FAM241A: variants seen among roughly 807,000 people sequenced by gnomAD.
FAM241A encodes the protein family with sequence similarity 241 member A.
Under a neutral mutation model 12.2 loss-of-function variants are expected in FAM241A, and 7 were observed. The ratio of observed to expected loss-of-function variants is 0.58; its 90% confidence interval spans 0.33 to 1.08. The LOEUF is 1.08. Among genes scored for constraint, FAM241A ranks in the 50% least tolerant of loss-of-function variants. FAM241A has a pLI of 0.04. For synonymous variants in FAM241A, 74 were observed against 68.2 expected (o/e 1.08, Z -0.42); for missense variants, 161 against 169.7 (o/e 0.95, Z 0.29).
At position 112,193,828 on chromosome 4, in the gene FAM241A, C is replaced by T. The variant is rs74932988; in HGVS notation, c.*6890C>T. On this transcript the variant is annotated 3_prime_UTR_variant, in exon 2 of 2. Coordinates refer to ENST00000309733, the MANE Select transcript of FAM241A (RefSeq NM_152400.3). ...TTGGCTTAGGATTGACTTGGCGATG[C>T]GGGCTCTTTTTTGGTTCCATATGAA... is the stretch of plus-strand genomic sequence containing the variant. 18 of 149,504 alleles carry T rather than the reference C, an allele frequency of 1.2e-4. No individual in the cohort carries two copies. Among genetic ancestry groups the T allele is most frequent in the South Asian group, 2.1e-4 (1 of 4,700 alleles). The allele number at this position is 149,504 out of a possible 1,614,324, so 9.3% of individuals were successfully genotyped here. A position where few individuals can be genotyped will look rare whatever the true frequency, so the allele number is the denominator to read the frequency against.
chr4:112,163,498 A>G (rs569814516), intron 1 of FAM241A, among the ~76,000 whole-genome samples: 212 of 152,350 alleles, frequency 1.4e-3, no homozygotes, highest in Admixed American at 2.7e-3. Flanking sequence ...AAAGTGGGCA[A>G]AGGATATGAA....
At position 112,145,576 on chromosome 4, in the gene FAM241A, G is replaced by A; in HGVS notation, c.-5G>A. 3.2e-6 allele frequency: 4 copies of A among 1,248,686 alleles called. 1 individual carries two copies. In the South Asian group the frequency reaches 1.5e-4, roughly 46 times the overall value. The allele number at this position is 1,248,686 out of a possible 1,614,324, so 77.4% of individuals were successfully genotyped here. A position where few individuals can be genotyped will look rare whatever the true frequency, so the allele number is the denominator to read the frequency against. On this transcript the variant is annotated 5_prime_UTR_variant, in exon 1 of 2. Coordinates refer to ENST00000309733, the MANE Select transcript of FAM241A (RefSeq NM_152400.3). ...CTGTCCGGGGCGGTAGGAGTTGGCTGCGGGATGTGCTCAGCCGGGGAGCTG... is the reference window on the plus strand; with the variant it reads ...CTGTCCGGGGCGGTAGGAGTTGGCTACGGGATGTGCTCAGCCGGGGAGCTG...
rs372790325 is a variant in FAM241A at position 112,193,973 on chromosome 4, T to C, written c.*7035T>C. The C allele has an allele frequency of 1.7e-4, 26 of 148,818 alleles. No homozygotes were observed. Among genetic ancestry groups the C allele is most frequent in the Admixed American group, 1.0e-3 (15 of 14,840 alleles). 9.2% of individuals were successfully genotyped at this position (148,818 alleles called of 1,614,324 possible). On this transcript the variant is annotated 3_prime_UTR_variant, in exon 2 of 2. Coordinates refer to ENST00000309733, the MANE Select transcript of FAM241A (RefSeq NM_152400.3). ...ATTTTCACGATATTGATTCTTCCTA[T>C]CCATGAGCATGGAATGTTCTTCCAT...
chr4:112,171,381 T>C, intron 1 of FAM241A: 1 of 765,200 alleles, frequency 1.3e-6, no homozygotes, highest in Non-Finnish European at 2.4e-6. Flanking sequence ...TAAGCCAATT[T>C]TCTGGAAATA....
intron 1 of FAM241A, among the ~76,000 whole-genome samples, chr4:112,165,206 T>C (rs1265585290): frequency 2.0e-5 from 3 of 152,258 alleles, no homozygotes; most frequent in East Asian, 1.9e-4. Flanking sequence ...CAATGAGATA[T>C]CATCTCACAC....
intron 1 of FAM241A, among the ~76,000 whole-genome samples, chr4:112,164,772 T>G (rs1723560019): frequency 6.6e-6 from 1 of 152,138 alleles, no homozygotes; most frequent in Non-Finnish European, 1.5e-5. Context: ...TGTCTAATAA[T>G]TCAATTTTAA....
chr4:112,186,986 T>C lies in FAM241A; in HGVS notation c.*48T>C. On this transcript the variant is annotated 3_prime_UTR_variant, in exon 2 of 2. Transcript: ENST00000309733. ...TGACATTTGGTAGCCATATATGTAA[T>C]TGAAGAAGTTATATATTTCACTTTT... is the stretch of plus-strand genomic sequence containing the variant. 2 of 1,568,050 alleles carry C rather than the reference T, an allele frequency of 1.3e-6. No individual in the cohort carries two copies. The highest frequency in any genetic ancestry group is 1.2e-5 in the South Asian group (1 of 83,850).
At chr4:112,166,460 A>G (rs1355918918) in intron 1 of FAM241A, among the ~76,000 whole-genome samples, 1 of 152,114 alleles carries the variant, frequency 6.6e-6, no homozygotes, top group Non-Finnish European at 1.5e-5. Context: ...CCTTTACAAT[A>G]AGAGATTTAG....
At chr4:112,171,127 T>C (rs1723709894) in intron 1 of FAM241A, 1 of 410,984 alleles carries the variant, frequency 2.4e-6, no homozygotes, top group Non-Finnish European at 4.6e-6. Context: ...GAAACTGTTA[T>C]TGTACAGGAA....
At chr4:112,183,750 A>T (rs1379150894) in intron 1 of FAM241A, among the ~76,000 whole-genome samples, 1 of 152,082 alleles carries the variant, frequency 6.6e-6, no homozygotes, top group Non-Finnish European at 1.5e-5. Context: ...GGCCAGAAAC[A>T]GTATCAACAT....
intron 1 of FAM241A, among the ~76,000 whole-genome samples, chr4:112,157,111 G>A (rs1309395407): frequency 1.3e-5 from 2 of 152,036 alleles, no homozygotes; most frequent in Admixed American, 6.6e-5. Context: ...AAAGAAACAC[G>A]TGTTAAAGAT....
At chr4:112,156,807 T>C (rs544360601) in intron 1 of FAM241A, among the ~76,000 whole-genome samples, 10 of 152,320 alleles carry the variant, frequency 6.6e-5, no homozygotes, top group Non-Finnish European at 1.5e-4. Context: ...GAAACATCTG[T>C]AAAATTGTAG....
In FAM241A at chr4:112,174,761, TTGAAAGC is replaced by T. The variant is rs1723786586; in HGVS notation, c.154-11931_154-11925del. Among the ~76,000 whole-genome samples the T allele has an allele frequency of 2.0e-5, 3 of 152,198 alleles. No individual in the cohort carries two copies. In the South Asian group the frequency reaches 6.2e-4, roughly 32 times the overall value. ...AATTATGGTAGGATACGGGGTAGAC[TTGAAAGC>T]ATTCTCCATGCTGTACATAGACCCA... On this transcript the variant is annotated intron_variant, in intron 1 of 1. Coordinates refer to ENST00000309733, the MANE Select transcript of FAM241A (RefSeq NM_152400.3).
At chr4:112,166,555 T>G (rs2110427457) in intron 1 of FAM241A, among the ~76,000 whole-genome samples, 1 of 152,196 alleles carries the variant, frequency 6.6e-6, no homozygotes, top group South Asian at 2.1e-4. Flanking sequence ...GAAAAAGAAA[T>G]TTTCCAATAA....
chr4:112,175,492 G>T (rs1723801479), intron 1 of FAM241A, among the ~76,000 whole-genome samples: 1 of 152,152 alleles, frequency 6.6e-6, no homozygotes, highest in Non-Finnish European at 1.5e-5. Context: ...GTTCAGCCGG[G>T]TGTGGTGGCT....
At chr4:112,158,973 A>G (rs891912296) in intron 1 of FAM241A, among the ~76,000 whole-genome samples, 21 of 152,036 alleles carry the variant, frequency 1.4e-4, no homozygotes, top group African/African-American at 5.1e-4. Flanking sequence ...TTTTCCCCCC[A>G]TACATACATA....
chr4:112,150,115 A>G (rs1424892266), intron 1 of FAM241A, among the ~76,000 whole-genome samples: 2 of 151,958 alleles, frequency 1.3e-5, no homozygotes, highest in Non-Finnish European at 2.9e-5. Context: ...TTTACTCTAT[A>G]TATTTAATCT....
chr4:112,171,339 G>C (rs1723715665), intron 1 of FAM241A: 2 of 753,098 alleles, frequency 2.7e-6, no homozygotes, highest in Non-Finnish European at 4.8e-6. Flanking sequence ...GCGGTGTTAC[G>C]ACAAGAAGCA....
chr4:112,147,731 A>T (rs1377427820), intron 1 of FAM241A, among the ~76,000 whole-genome samples: 10 of 152,330 alleles, frequency 6.6e-5, no homozygotes, highest in Admixed American at 6.5e-4. Context: ...TTAAGGATAC[A>T]AGGACTCCAG....
Sources: gnomAD v4.1 joint callset for allele counts (sites outside exome capture counted in the v4.1 genomes callset) on GRCh38, gnomAD v4.1.1 for gene constraint, MANE v1.5 for transcripts, NCBI Gene and HGNC (gene_info 2026-07-23, HGNC 2026-07-21) for gene names.